Variants in FRMD5 observed in about 807,000 individuals in gnomAD.
FRMD5 encodes FERM domain containing 5.
A neutral mutation model predicts 69.0 loss-of-function variants in FRMD5; 20 were observed. The ratio of observed to expected loss-of-function variants is 0.29; its 90% CI spans 0.20 to 0.42. The LOEUF (loss-of-function observed/expected upper bound fraction) is 0.42. FRMD5 is among the 10% of genes least tolerant of loss of function. FRMD5 has a pLI of 1.00. For synonymous variants in FRMD5, 271 were observed against 260.1 expected (o/e 1.04, Z -0.40); for missense variants, 595 against 708.6 (o/e 0.84, Z 1.82).
At chr15:44,169,044 C>T (rs1159954752) in intron 1 of FRMD5, among the ~76,000 whole-genome samples, 3 of 152,208 alleles carry the variant, frequency 2.0e-5, no homozygotes, top group East Asian at 1.9e-4. Flanking sequence ...TCATTGGTCA[C>T]AGGCCCTGAT....
chr15:43,982,184 T>C (rs891083578), intron 1 of FRMD5, among the ~76,000 whole-genome samples: 6 of 152,246 alleles, frequency 3.9e-5, no homozygotes, highest in Non-Finnish European at 7.3e-5. Flanking sequence ...TATGATTCCC[T>C]GACCTAGAGG....
intron 1 of FRMD5, among the ~76,000 whole-genome samples, chr15:44,062,924 T>C (rs1165354469): frequency 3.3e-5 from 5 of 152,192 alleles, no homozygotes; most frequent in Non-Finnish European, 5.9e-5. Context: ...ATTGACTGTA[T>C]ATATGTGGGT....
chr15:44,027,639 G>GTTTTTTTTTTTTT (rs767882395), intron 1 of FRMD5, among the ~76,000 whole-genome samples: 1 of 27,050 alleles, frequency 3.7e-5, no homozygotes, highest in African/African-American at 5.8e-5. Context: ...TTCTTTTCTA[G>GTTTTTTTTTTTTT]TTTTTTTTTT....
intron 4 of FRMD5, among the ~76,000 whole-genome samples, chr15:43,912,362 G>A (rs903451764): frequency 6.6e-6 from 1 of 152,120 alleles, no homozygotes; most frequent in African/African-American, 2.4e-5. Context: ...AATCAAGCTC[G>A]TCTTCACTCT....
intron 13 of FRMD5, chr15:43,879,595 G>C (rs1341543128): frequency 2.5e-6 from 1 of 399,092 alleles, no homozygotes; most frequent in African/African-American, 2.1e-5. Context: ...CGCACACTTA[G>C]GGGCCGAAAG....
intron 1 of FRMD5, among the ~76,000 whole-genome samples, chr15:43,945,276 T>C (rs552705294): frequency 2.6e-3 from 403 of 152,310 alleles, no homozygotes; most frequent in Middle Eastern, 0.017. Flanking sequence ...TTTACACTTA[T>C]CTGTGGGAGA....
chr15:43,919,694 TTGAGA>T (rs2089459000), intron 3 of FRMD5, 68 bp downstream of exon 3: 1 of 1,509,366 alleles, frequency 6.6e-7, no homozygotes. Context: ...AGATCAAAAC[TTGAGA>T]TAAGTGGGAG....
chr15:43,903,773 C>T (rs2089103902), intron 6 of FRMD5, among the ~76,000 whole-genome samples: 1 of 152,134 alleles, frequency 6.6e-6, no homozygotes, highest in African/African-American at 2.4e-5. Context: ...CCTCCAGGGT[C>T]CTCAAAGCGG....
At chr15:43,902,409 C>T (rs960499565) in intron 6 of FRMD5, 147 bp from the exon 7 acceptor site, 56 of 658,732 alleles carry the variant, frequency 8.5e-5, no homozygotes, top group Non-Finnish European at 1.3e-4. Context: ...GGACCAACTT[C>T]GAGACTCCTG....
At chr15:44,000,325 A>G (rs1242311075) in intron 1 of FRMD5, among the ~76,000 whole-genome samples, 1 of 152,032 alleles carries the variant, frequency 6.6e-6, no homozygotes, top group Non-Finnish European at 1.5e-5. Context: ...GTGAATGAAC[A>G]CTTAAAAGAT....
chr15:44,116,856 C>T (rs1369527263), intron 1 of FRMD5, among the ~76,000 whole-genome samples: 2 of 151,916 alleles, frequency 1.3e-5, no homozygotes, highest in Non-Finnish European at 2.9e-5. Flanking sequence ...CTGAGGCGGG[C>T]GGATCACCTG....
rs143484541 is a variant in FRMD5 at position 44,192,641 on chromosome 15, A to T, written c.102+2312T>A. Among the ~76,000 whole-genome samples, 343 of 152,338 alleles carry T rather than the reference A, an allele frequency of 2.3e-3. 4 individuals are homozygous for T. Among genetic ancestry groups the T allele is most frequent in the African/African-American group, 7.8e-3 (325 of 41,586 alleles). ...GCATGAAGGGAAAAGCTGATAAGAA[A>T]AGCTCAATTTCTAAATGTTCAAAAA... is the stretch of plus-strand genomic sequence containing the variant. On this transcript the variant is annotated intron_variant, in intron 1 of 13. Coordinates refer to ENST00000417257, the MANE Select transcript of FRMD5 (RefSeq NM_032892.5).
Position 43,974,540 on chromosome 15 carries a change from T to C in FRMD5, c.103-50231A>G, listed in dbSNP as rs2140593492. On this transcript the variant is annotated intron_variant, in intron 1 of 13. Transcript: ENST00000417257. ...TTCTTTGAGAAAGCATTGGAGTTAG[T>C]TAACTCCTACCTATACTCTGGCTTC... Among the ~76,000 whole-genome samples, 3 of 152,340 alleles carry C rather than the reference T, an allele frequency of 2.0e-5. No individual in the cohort carries two copies. The East Asian group carries it at 5.8e-4, about 29-fold the overall frequency.
chr15:44,196,023 A>C (rs1263156538), upstream of FRMD5, among the ~76,000 whole-genome samples: 1 of 152,184 alleles, frequency 6.6e-6, no homozygotes, highest in Non-Finnish European at 1.5e-5. Flanking sequence ...TCAATAGAAC[A>C]ACATAGTATG....
chr15:43,931,588 CT>C (rs71421810), intron 1 of FRMD5, among the ~76,000 whole-genome samples: 72 of 144,606 alleles, frequency 5.0e-4, no homozygotes, highest in Admixed American at 6.9e-4. Context: ...CTGCTTTTTT[CT>C]TTTTTTTTTT....
chr15:44,031,149 G>A (rs1891663419), intron 1 of FRMD5, among the ~76,000 whole-genome samples: 1 of 152,002 alleles, frequency 6.6e-6, no homozygotes, highest in African/African-American at 2.4e-5. Flanking sequence ...TCAGCTACCT[G>A]CTTGGGTGAT....
chr15:43,913,033 CAAAAAAA>C (rs1242970072), intron 4 of FRMD5, among the ~76,000 whole-genome samples: 1 of 87,126 alleles, frequency 1.1e-5, no homozygotes, highest in Non-Finnish European at 2.6e-5. Flanking sequence ...AACTCCATCT[CAAAAAAA>C]AAAAAAAAAG....
At chr15:44,033,603 T>G (rs1891781290) in intron 1 of FRMD5, among the ~76,000 whole-genome samples, 1 of 152,238 alleles carries the variant, frequency 6.6e-6, no homozygotes, top group African/African-American at 2.4e-5. Flanking sequence ...GTAAGATTTT[T>G]GTACAGAGAA....
chr15:44,075,257 A>G (rs1893709759), intron 1 of FRMD5, among the ~76,000 whole-genome samples: 1 of 152,158 alleles, frequency 6.6e-6, no homozygotes, highest in African/African-American at 2.4e-5. Context: ...CAACAATTTT[A>G]ATGAATTGGA....
Sources: allele counts gnomAD v4.1 joint callset (sites outside exome capture counted in the v4.1 genomes callset), GRCh38; gene constraint gnomAD v4.1.1; transcripts MANE v1.5; gene names NCBI Gene and HGNC (gene_info 2026-07-23, HGNC 2026-07-21).